The following PHF23 variants were observed in gnomAD, a reference collection of about 807,000 sequenced individuals.
The protein encoded by PHF23 is PHD finger protein 23, also known as PDH-containing protein JUNE-1.
In PHF23, 3 loss-of-function variants were observed where a neutral mutation model predicts 36.0. That is an observed-to-expected ratio of 0.08 (90% CI 0.04 to 0.22). The LOEUF is 0.22. Among genes scored for constraint, PHF23 ranks in the 10% least tolerant of loss-of-function variants. PHF23 has a pLI of 1.00. For missense variants in PHF23, 475 were observed against 513.6 expected (o/e 0.92, Z 0.73); for synonymous variants, 242 against 192.5 (o/e 1.26, Z -2.13).
rs990737490 is a variant in PHF23, at chr17:7,235,133, C to A, written c.*493G>T. 5.6e-6 allele frequency: 1 copy of A among 178,530 alleles called. No individual in the cohort carries two copies. Among genetic ancestry groups the A allele is most frequent in the Non-Finnish European group, 1.2e-5 (1 of 81,804 alleles). 11.1% of individuals were successfully genotyped at this position (178,530 alleles called of 1,614,324 possible). A position where few individuals can be genotyped will look rare whatever the true frequency, so the allele number is the denominator to read the frequency against. The stretch of plus-strand genomic sequence containing the variant: ...CAAAAGAGGTGAGTGAGAATCGTCA[C>A]CTTTCTGCTTTCCTTCCTCACTTGG... On this transcript the variant is annotated 3_prime_UTR_variant, in exon 5 of 5. Coordinates refer to ENST00000320316, the MANE Select transcript of PHF23 (RefSeq NM_024297.3).
chr17:7,235,303 T>G lies in PHF23; in HGVS notation c.*323A>C. Reference sequence around the variant, plus strand: ...GGGAGTGCTAATATTTACACTAGAGTTTTATAGACAACTGTCCCATTCCAT... The same window carrying G: ...GGGAGTGCTAATATTTACACTAGAGGTTTATAGACAACTGTCCCATTCCAT... On this transcript the variant is annotated 3_prime_UTR_variant, in exon 5 of 5. Transcript: ENST00000320316. 5.8e-6 allele frequency: 2 copies of G among 344,834 alleles called. No homozygotes were observed. Among genetic ancestry groups the G allele is most frequent in the Non-Finnish European group, 1.1e-5 (2 of 181,632 alleles). The allele number at this position is 344,834 out of a possible 1,614,324, so 21.4% of individuals were successfully genotyped here.
intron 1 of PHF23, 141 bp from the exon 2 acceptor site, chr17:7,237,801 T>G: frequency 2.1e-6 from 2 of 970,590 alleles, no homozygotes; most frequent in Non-Finnish European, 3.1e-6. Context: ...CTGTGTTGGA[T>G]CCGCCCCGGC....
upstream of PHF23, chr17:7,240,619 C>T: frequency 2.0e-6 from 1 of 507,014 alleles, no homozygotes; most frequent in African/African-American, 2.0e-5. Context: ...AAGTCTACAG[C>T]AGGATGGGAA....
intron 1 of PHF23, chr17:7,238,869 A>T: frequency 1.3e-6 from 2 of 1,532,544 alleles, no homozygotes; most frequent in Non-Finnish European, 1.7e-6. Flanking sequence ...ACCTCGGCGA[A>T]CTACCGGGCC....
At chr17:7,237,172 C>T (rs1010938690) in intron 3 of PHF23, among the ~76,000 whole-genome samples, 2 of 152,188 alleles carry the variant, frequency 1.3e-5, no homozygotes, top group Admixed American at 1.3e-4. Flanking sequence ...CCAAATCCCC[C>T]TTCCTTTTCA....
rs984914830 is a variant in PHF23, at chr17:7,235,260, G to A, written c.*366C>T. ...AAGAAAATAAATGGGGAGTGAAATA[G>A]AAGAAAAGATGAGGGAGGGGAGTGC... On this transcript the variant is annotated 3_prime_UTR_variant, in exon 5 of 5. Transcript: ENST00000320316. 7.3e-6 allele frequency: 2 copies of A among 272,870 alleles called. No homozygotes were observed. Among genetic ancestry groups the A allele is most frequent in the Non-Finnish European group, 1.4e-5 (2 of 139,586 alleles). 16.9% of individuals were successfully genotyped at this position (272,870 alleles called of 1,614,324 possible).
At position 7,236,770 on chromosome 17, in the gene PHF23, TA is replaced by T; in HGVS notation, c.160-4del. 6.2e-7 allele frequency: 1 copy of T among 1,606,546 alleles called. No individual in the cohort carries two copies. ...CCAGAGGCTGGCCAGTCACTTTCCT[TA>T]AAAGGGGGAAGAGACCAGGGTCAGC... On this transcript the variant is annotated splice_region_variant and splice_polypyrimidine_tract_variant and intron_variant, in intron 3 of 4. Coordinates refer to ENST00000320316, the MANE Select transcript of PHF23 (RefSeq NM_024297.3). This position sits in a 1 kb window ranked among gnomAD's most constrained non-coding sequence, Gnocchi z 5.1.
upstream of PHF23, chr17:7,240,199 A>C (rs1363711925): frequency 1.3e-5 from 2 of 152,278 alleles, no homozygotes; most frequent in Non-Finnish European, 2.9e-5. Context: ...ATAAAACTAA[A>C]GTTTCAAGAA....
rs1340742233 is a variant in PHF23 at position 7,236,151 on chromosome 17, T to C, written c.776A>G (p.Glu259Gly). 2.5e-6 allele frequency: 4 copies of C among 1,610,246 alleles called. No individual in the cohort carries two copies. The East Asian group carries it at 6.7e-5, about 27-fold the overall frequency. ...EEEEEEEEEE[E>G]EEMATVVGGE... ...CCCTACCACTGTTGCCATCTCTTCT[T>C]CTTCTTCCTCTTCCTCCTCTTCCTC... Residue 259 changes from glutamate (E) to glycine (G), a missense_variant, in exon 4 of 5, where the codon GAA (glutamate) becomes GGA (glycine). By Grantham distance (98) the Glu-to-Gly change is moderately conservative. Around this residue, in one of 5 missense-constraint regions of PHF23, gnomAD observed 350 missense variants for 319.8 expected, o/e 1.09. Transcript: ENST00000320316. This position sits in a 1 kb window ranked among gnomAD's most constrained non-coding sequence, Gnocchi z 5.1.
chr17:7,236,792 T>C lies in PHF23; in HGVS notation c.160-25A>G. 6.3e-7 allele frequency: 1 copy of C among 1,586,554 alleles called. No individual in the cohort carries two copies. Among genetic ancestry groups the C allele is most frequent in the Non-Finnish European group, 8.6e-7 (1 of 1,167,502 alleles). On this transcript the variant is annotated intron_variant, in intron 3 of 4. Coordinates refer to ENST00000320316, the MANE Select transcript of PHF23 (RefSeq NM_024297.3). This position sits in a 1 kb window ranked among gnomAD's most constrained non-coding sequence, Gnocchi z 5.1. ...CCTTAAAAGGGGGAAGAGACCAGGG[T>C]CAGCAGAACCCCAGTGTCATCTCAG...
chr17:7,238,461 G>T, intron 1 of PHF23: 2 of 102,534 alleles, frequency 2.0e-5, no homozygotes, highest in Non-Finnish European at 2.8e-5. Context: ...TCACCACCCA[G>T]TTACTAGGCT....
intron 1 of PHF23, chr17:7,238,050 T>C: frequency 5.4e-6 from 1 of 183,748 alleles, no homozygotes; most frequent in Non-Finnish European, 1.0e-5. Context: ...CCCGAGTTCC[T>C]ACCCGGCCGC....
upstream of PHF23, chr17:7,239,792 G>A (rs996284016): frequency 1.4e-4 from 22 of 152,716 alleles, no homozygotes; most frequent in African/African-American, 5.3e-4. Context: ...GACCAAGAAA[G>A]AAGAGGAAGA....
intron 1 of PHF23, 103 bp from the exon 2 acceptor site, chr17:7,237,763 T>C (rs2071699567): frequency 6.6e-6 from 9 of 1,366,716 alleles, no homozygotes; most frequent in Non-Finnish European, 9.3e-6. Flanking sequence ...CTCTCCCAGG[T>C]CCCTCTGCCA....
At chr17:7,240,432 T>C (rs532046774), upstream of PHF23, 53 of 167,034 alleles carry the variant, frequency 3.2e-4, 1 homozygote, top group South Asian at 5.8e-3. Context: ...AGCTTGGTGG[T>C]TTCCTCTTTA....
rs2071683029 is a variant in PHF23 at position 7,236,981 on chromosome 17, C to T, written c.160-214G>A. Reference sequence around the variant, plus strand: ...TTACCTCTACCCTCAAGTCTGACACCTCACCGCTGCCCCTGCCCAGGGCCT... The same window carrying T: ...TTACCTCTACCCTCAAGTCTGACACTTCACCGCTGCCCCTGCCCAGGGCCT... On this transcript the variant is annotated intron_variant, in intron 3 of 4. Transcript: ENST00000320316. This position sits in a 1 kb window ranked among gnomAD's most constrained non-coding sequence, Gnocchi z 5.1. Among the ~76,000 whole-genome samples the T allele has an allele frequency of 6.6e-6, 1 of 152,194 alleles. No individual in the cohort carries two copies. Among genetic ancestry groups the T allele is most frequent in the African/African-American group, 2.4e-5 (1 of 41,424 alleles).
intron 2 of PHF23, 42 bp downstream of exon 2, chr17:7,237,587 T>A (rs770778829): frequency 1.9e-6 from 3 of 1,612,788 alleles, no homozygotes; most frequent in Admixed American, 1.7e-5. Context: ...GGGGGCGTTG[T>A]CAGGCAGGGC....
At chr17:7,237,843 G>C in intron 1 of PHF23, 183 bp from the exon 2 acceptor site, 2 of 678,116 alleles carry the variant, frequency 2.9e-6, no homozygotes, top group East Asian at 5.5e-5. Context: ...GGCGGAGCCT[G>C]GGCGCGGCGC....
At chr17:7,237,759 C>T in intron 1 of PHF23, 99 bp from the exon 2 acceptor site, 3 of 1,401,650 alleles carry the variant, frequency 2.1e-6, no homozygotes, top group Non-Finnish European at 3.0e-6. Context: ...CCTGCTCTCC[C>T]AGGTCCCTCT....
Sources: allele counts gnomAD v4.1 joint callset (sites outside exome capture counted in the v4.1 genomes callset), GRCh38; gene constraint gnomAD v4.1.1; regional missense constraint gnomAD v4.1.1; non-coding constraint Gnocchi (gnomAD v3.1); transcripts MANE v1.5; gene names NCBI Gene and HGNC (gene_info 2026-07-23, HGNC 2026-07-21).